Variants in STARD8 observed in about 807,000 individuals in gnomAD.
STARD8 encodes StAR related lipid transfer domain containing 8.
STARD8 carries 25 observed loss-of-function variants against 69.4 expected under a neutral mutation model. That is an observed-to-expected ratio of 0.36 (90% CI 0.26 to 0.50). The LOEUF (loss-of-function observed/expected upper bound fraction) is 0.50, where lower values mean the gene tolerates loss of function less well. Ranked by LOEUF, STARD8 falls within the 20% of genes least tolerant of loss-of-function variation. The pLI, the probability that STARD8 is intolerant of heterozygous loss-of-function variation, is 0.96. For missense variants in STARD8, 921 were observed against 932.5 expected (o/e 0.99, Z 0.16); for synonymous variants, 389 against 374.6 (o/e 1.04, Z -0.45).
At chrX:68,721,398 C>A in intron 9 of STARD8, 138 bp from the exon 10 acceptor site, 1 of 667,315 alleles carries the variant, frequency 1.5e-6, no homozygotes, top group South Asian at 2.9e-5. Flanking sequence ...CCAGAGACCT[C>A]ACAGAACTGA....
intron 1 of STARD8, among the ~76,000 whole-genome samples, chrX:68,664,570 C>T (rs779712711): frequency 8.9e-6 from 1 of 112,115 alleles, no homozygotes; most frequent in Non-Finnish European, 1.9e-5. Context: ...TTGCTGACAA[C>T]TTCTTGCCAT....
At chrX:68,713,513 C>G (rs150469271) in intron 3 of STARD8, among the ~76,000 whole-genome samples, 4 of 111,890 alleles carry the variant, frequency 3.6e-5, no homozygotes, top group African/African-American at 1.3e-4. Context: ...CCAGTGACCT[C>G]CATGTGGTCA....
At chrX:68,653,407 A>G in intron 1 of STARD8, among the ~76,000 whole-genome samples, 1 of 63,589 alleles carries the variant, frequency 1.6e-5, no homozygotes. Context: ...CACACACCAC[A>G]CACACCACAC....
intron 1 of STARD8, among the ~76,000 whole-genome samples, chrX:68,663,722 C>T (rs2079664841): frequency 9.0e-6 from 1 of 111,657 alleles, no homozygotes; most frequent in Non-Finnish European, 1.9e-5. Context: ...CTCATCCTTT[C>T]TCATTCTTCT....
chrX:68,669,447 C>T lies in STARD8; in HGVS notation c.79+3915C>T, dbSNP rs72627700. 1.6e-4 allele frequency among the ~76,000 whole-genome samples: 18 copies of T among 112,210 alleles called. No individual in the cohort carries two copies. The East Asian group carries it at 5.1e-3, about 31-fold the overall frequency. ...CTCCTTGACTTACAAACCCCACACT[C>T]CGCGGAGCTCATTAGCTCGCTTACC... On this transcript the variant is annotated intron_variant, in intron 2 of 14. Coordinates refer to ENST00000374599, the MANE Select transcript of STARD8 (RefSeq NM_001142503.3).
intron 2 of STARD8, among the ~76,000 whole-genome samples, chrX:68,711,964 G>A (rs1179145009): frequency 8.9e-6 from 1 of 112,887 alleles, no homozygotes. Flanking sequence ...CACCTGGGTG[G>A]GAAGCAAATA....
intron 1 of STARD8, among the ~76,000 whole-genome samples, chrX:68,653,682 C>CCA (rs2079593044): frequency 1.1e-5 from 1 of 90,875 alleles, no homozygotes; most frequent in Non-Finnish European, 2.2e-5. Context: ...ACACACCACA[C>CCA]CACACACACA....
intron 2 of STARD8, among the ~76,000 whole-genome samples, chrX:68,697,643 T>A (rs748888272): frequency 1.8e-5 from 2 of 112,430 alleles, no homozygotes; most frequent in African/African-American, 6.4e-5. Flanking sequence ...CTTTCCCAGC[T>A]TGTCATCTAA....
chrX:68,669,878 G>A (rs1249489718), intron 2 of STARD8, among the ~76,000 whole-genome samples: 1 of 112,458 alleles, frequency 8.9e-6, no homozygotes, highest in African/African-American at 3.2e-5. Context: ...AAAATACTAA[G>A]CATATGAAAG....
chrX:68,649,674 C>T (rs182750933), intron 1 of STARD8, among the ~76,000 whole-genome samples: 166 of 111,335 alleles, frequency 1.5e-3, no homozygotes, highest in African/African-American at 5.0e-3. Flanking sequence ...ACAAAGTTTG[C>T]GACATGCTGA....
chrX:68,720,915 A>C lies in STARD8; in HGVS notation c.2050-9A>C. On this transcript the variant is annotated splice_polypyrimidine_tract_variant and intron_variant, in intron 8 of 14. Coordinates refer to ENST00000374599, the MANE Select transcript of STARD8 (RefSeq NM_001142503.3). ...TTTCCTCACTCCCTCCCTCCCCTGCATGGAGTAGGTAGGCATCTTCCGCAA... is the reference window on the plus strand; with the variant it reads ...TTTCCTCACTCCCTCCCTCCCCTGCCTGGAGTAGGTAGGCATCTTCCGCAA... 1 of 1,207,348 alleles carries C rather than the reference A, an allele frequency of 8.3e-7. No homozygotes were observed. Among genetic ancestry groups the C allele is most frequent in the Non-Finnish European group, 1.1e-6 (1 of 892,600 alleles).
intron 1 of STARD8, among the ~76,000 whole-genome samples, chrX:68,653,716 C>T: frequency 2.1e-5 from 2 of 94,946 alleles, no homozygotes. Flanking sequence ...ACACCACACA[C>T]ACCACACCAC....
At chrX:68,662,009 T>TTTCTTTCC (rs2079653554) in intron 1 of STARD8, among the ~76,000 whole-genome samples, 1 of 99,095 alleles carries the variant, frequency 1.0e-5, no homozygotes, top group African/African-American at 3.9e-5. Flanking sequence ...TCTTTCTTTC[T>TTTCTTTCC]TTCTTTCTTT....
chrX:68,722,572 C>G lies in STARD8; in HGVS notation c.2725C>G (p.Arg909Gly), dbSNP rs747097987. ...YMEENIQDLL[R>G]DAAERFKGWM... Reference sequence around the variant, plus strand: ...GGAAGAGAATATCCAGGACCTGCTGCGTGATGCTGCTGAGCGCTTCAAGGG... The same window carrying G: ...GGAAGAGAATATCCAGGACCTGCTGGGTGATGCTGCTGAGCGCTTCAAGGG... The change falls in exon 12 of 15, where the codon CGT (arginine) becomes GGT (glycine). Residue 909 changes from arginine (R) to glycine (G), a missense_variant. Transcript: ENST00000374599. 17 of 1,210,723 alleles carry G rather than the reference C, an allele frequency of 1.4e-5. No individual in the cohort carries two copies. The highest frequency in any genetic ancestry group is 8.7e-5 in the African/African-American group (5 of 57,412).
At chrX:68,702,832 TATA>T (rs1216615301) in intron 2 of STARD8, among the ~76,000 whole-genome samples, 1 of 111,248 alleles carries the variant, frequency 9.0e-6, no homozygotes, top group Non-Finnish European at 1.9e-5. Context: ...ATGTCTGGGA[TATA>T]ATAATGGCTC....
chrX:68,680,993 A>G (rs1288489442), intron 2 of STARD8, among the ~76,000 whole-genome samples: 1 of 111,245 alleles, frequency 9.0e-6, no homozygotes, highest in Admixed American at 9.6e-5. Flanking sequence ...CATGTCATCT[A>G]GTAAGTGTTG....
intron 1 of STARD8, among the ~76,000 whole-genome samples, chrX:68,653,033 CCACA>C (rs1398941601): frequency 1.3e-3 from 46 of 35,818 alleles, no homozygotes; most frequent in Non-Finnish European, 1.9e-3. Flanking sequence ...ACCCCACACA[CCACA>C]CACACACATC....
chrX:68,670,627 G>T (rs2147885118), intron 2 of STARD8, among the ~76,000 whole-genome samples: 1 of 111,298 alleles, frequency 9.0e-6, no homozygotes, highest in African/African-American at 3.3e-5. Flanking sequence ...GCTGGAGAGG[G>T]CATGGGAACT....
chrX:68,666,441 T>C (rs1005861769), intron 2 of STARD8, among the ~76,000 whole-genome samples: 2 of 112,194 alleles, frequency 1.8e-5, no homozygotes, highest in African/African-American at 6.5e-5. Context: ...AGTGGCATGC[T>C]AAGGGCCTGT....
Sources: allele counts gnomAD v4.1 joint callset (sites outside exome capture counted in the v4.1 genomes callset), GRCh38; gene constraint gnomAD v4.1.1; transcripts MANE v1.5; gene names NCBI Gene and HGNC (gene_info 2026-07-23, HGNC 2026-07-21).